The following KAZN variants were observed in gnomAD, a reference collection of about 807,000 sequenced individuals.
The protein encoded by KAZN is kazrin.
In KAZN, 40 loss-of-function variants were observed where a neutral mutation model predicts 87.4. The observed-to-expected ratio is 0.46, with a 90% CI of 0.36 to 0.60. The LOEUF (loss-of-function observed/expected upper bound fraction) is 0.60, where lower values mean the gene tolerates loss of function less well. KAZN is among the 20% of genes least tolerant of loss of function. The pLI, the probability that KAZN is intolerant of heterozygous loss-of-function variation, is 0.00. For synonymous variants in KAZN, 466 were observed against 458.3 expected (o/e 1.02, Z -0.22); for missense variants, 898 against 1,073.9 (o/e 0.84, Z 2.29).
intron 2 of KAZN, among the ~76,000 whole-genome samples, chr1:14,331,880 T>G (rs1012811370): frequency 4.6e-5 from 7 of 151,940 alleles, no homozygotes; most frequent in African/African-American, 1.4e-4. Context: ...AAATGTTAGC[T>G]GGCTTTATAC....
intron 1 of KAZN, among the ~76,000 whole-genome samples, chr1:14,787,954 C>A (rs1205720687): frequency 6.6e-6 from 1 of 152,124 alleles, no homozygotes; most frequent in Non-Finnish European, 1.5e-5. Flanking sequence ...GTCAGTGGCC[C>A]CAGAAGAAAA....
chr1:14,815,363 A>G (rs1646531719), intron 1 of KAZN, among the ~76,000 whole-genome samples: 1 of 152,140 alleles, frequency 6.6e-6, no homozygotes, highest in South Asian at 2.1e-4. Flanking sequence ...GAGTGCTGAG[A>G]AGGTTAAATA....
At chr1:14,420,374 G>T (rs373547131) in intron 2 of KAZN, among the ~76,000 whole-genome samples, 45 of 152,322 alleles carry the variant, frequency 3.0e-4, no homozygotes, top group African/African-American at 9.9e-4. Flanking sequence ...TGAGCTAGGC[G>T]TAAATAAATT....
At chr1:14,096,241 A>G (rs1043560124) in intron 1 of KAZN, among the ~76,000 whole-genome samples, 1 of 152,236 alleles carries the variant, frequency 6.6e-6, no homozygotes, top group Non-Finnish European at 1.5e-5. Flanking sequence ...CAGTCCCATA[A>G]AAGTGGATTC....
chr1:14,842,077 C>G (rs1323992079), intron 1 of KAZN, among the ~76,000 whole-genome samples: 1 of 152,196 alleles, frequency 6.6e-6, no homozygotes, highest in Non-Finnish European at 1.5e-5. Flanking sequence ...TTGTCCCCCT[C>G]CCTGCTCTCT....
intron 1 of KAZN, among the ~76,000 whole-genome samples, chr1:14,161,857 TC>T (rs1288124638): frequency 1.3e-5 from 2 of 152,218 alleles, no homozygotes; most frequent in African/African-American, 4.8e-5. Flanking sequence ...CAGGTGTAAT[TC>T]CTTAAATGTT....
intron 1 of KAZN, among the ~76,000 whole-genome samples, chr1:13,993,657 C>T (rs992044480): frequency 6.6e-6 from 1 of 152,166 alleles, no homozygotes; most frequent in Non-Finnish European, 1.5e-5. Flanking sequence ...TGGAGCTTTC[C>T]CTCTTGTTGG....
chr1:14,465,181 C>T (rs1390531195), intron 2 of KAZN, among the ~76,000 whole-genome samples: 2 of 151,864 alleles, frequency 1.3e-5, no homozygotes, highest in African/African-American at 4.8e-5. Context: ...AGGTGGATCA[C>T]GAGGTCAGGA....
At chr1:14,272,938 A>T (rs567110545) in intron 2 of KAZN, among the ~76,000 whole-genome samples, 1 of 152,172 alleles carries the variant, frequency 6.6e-6, no homozygotes, top group Non-Finnish European at 1.5e-5. Flanking sequence ...GAGAGATTCC[A>T]AAAGAAGTTA....
intron 2 of KAZN, among the ~76,000 whole-genome samples, chr1:15,020,908 C>T (rs1257238393): frequency 2.6e-5 from 4 of 152,148 alleles, no homozygotes; most frequent in African/African-American, 4.8e-5. Flanking sequence ...TGTCTGGCTC[C>T]GGGTTCTCAC....
intron 2 of KAZN, among the ~76,000 whole-genome samples, chr1:14,531,485 G>A (rs1467214744): frequency 6.6e-6 from 1 of 152,110 alleles, no homozygotes; most frequent in Non-Finnish European, 1.5e-5. Context: ...ACGTTGTGGG[G>A]ACCAGCATTT....
At chr1:14,088,836 AT>A (rs879602613) in intron 1 of KAZN, among the ~76,000 whole-genome samples, 2,686 of 149,332 alleles carry the variant, frequency 0.018, 40 homozygotes, top group Middle Eastern at 0.031. Context: ...CACATTTAGC[AT>A]TTTTTTTTGC....
chr1:14,068,190 A>G (rs1036054582), intron 1 of KAZN, among the ~76,000 whole-genome samples: 2 of 152,218 alleles, frequency 1.3e-5, no homozygotes, highest in African/African-American at 4.8e-5. Context: ...AAATTACTGC[A>G]AAGTAGACTT....
At chr1:13,898,888 GAAGCC>G (rs1418687551) in intron 1 of KAZN, among the ~76,000 whole-genome samples, 1 of 152,196 alleles carries the variant, frequency 6.6e-6, no homozygotes, top group Non-Finnish European at 1.5e-5. Flanking sequence ...GCTACATTTG[GAAGCC>G]AATTGCCAAA....
chr1:14,847,306 G>A lies in KAZN; in HGVS notation c.227-113378G>A, dbSNP rs961196828. 9.2e-5 allele frequency among the ~76,000 whole-genome samples: 14 copies of A among 152,290 alleles called. No homozygotes were observed. The East Asian group carries it at 1.4e-3, about 15-fold the overall frequency. ...CAAAGTAGGGTGGCCACAAGCTCAG[G>A]GGCGACAGTGGCCAACCTCCACTGA... On this transcript the variant is annotated intron_variant, in intron 1 of 14. Coordinates refer to ENST00000376030, the MANE Select transcript of KAZN (RefSeq NM_201628.3).
At chr1:14,194,825 T>A (rs1402005284) in intron 2 of KAZN, among the ~76,000 whole-genome samples, 1 of 152,102 alleles carries the variant, frequency 6.6e-6, no homozygotes, top group Non-Finnish European at 1.5e-5. Context: ...GGAGTGAATC[T>A]GGAGTAGTTT....
At chr1:15,072,464 C>T (rs1179784269) in intron 8 of KAZN, among the ~76,000 whole-genome samples, 1 of 152,166 alleles carries the variant, frequency 6.6e-6, no homozygotes, top group East Asian at 1.9e-4. Flanking sequence ...CCCTAGAATC[C>T]ACCAGCTCTG....
intron 1 of KAZN, among the ~76,000 whole-genome samples, chr1:14,140,367 A>G (rs1645209825): frequency 6.6e-6 from 1 of 152,146 alleles, no homozygotes; most frequent in Non-Finnish European, 1.5e-5. Flanking sequence ...CCTGGCATAC[A>G]GAAAGTGCTT....
At chr1:14,829,257 T>C (rs929012425) in intron 1 of KAZN, among the ~76,000 whole-genome samples, 3 of 152,244 alleles carry the variant, frequency 2.0e-5, no homozygotes, top group Non-Finnish European at 4.4e-5. Context: ...TCCTTGTTCA[T>C]TGATTCCCTC....
Sources: allele counts gnomAD v4.1 joint callset (sites outside exome capture counted in the v4.1 genomes callset), GRCh38; gene constraint gnomAD v4.1.1; transcripts MANE v1.5; gene names NCBI Gene and HGNC (gene_info 2026-07-23, HGNC 2026-07-21).